Variants in UTRN observed in about 807,000 individuals in gnomAD.
The protein encoded by UTRN is utrophin, also known as dystrophin-related protein 1.
A neutral mutation model predicts 463.9 loss-of-function variants in UTRN; 283 were observed. That is an observed-to-expected ratio of 0.61 (90% CI 0.55 to 0.67). The LOEUF is 0.67. UTRN is among the 30% of genes least tolerant of loss of function. The pLI, the probability that UTRN is intolerant of heterozygous loss-of-function variation, is 0.00. For synonymous variants in UTRN, 1,442 were observed against 1,431.5 expected, an observed-to-expected ratio of 1.01 and a Z score of -0.17; for missense variants, 3,922 against 4,084.3, an observed-to-expected ratio of 0.96 and a Z score of 1.08.
intron 74 of UTRN, among the ~76,000 whole-genome samples, 167 bp downstream of exon 74, chr6:144,846,994 G>A (rs957280527): frequency 2.0e-5 from 3 of 152,150 alleles, no homozygotes; most frequent in African/African-American, 4.8e-5. Flanking sequence ...GTCTGGGAGT[G>A]GGGGGTGGCT....
At chr6:144,727,280 C>A (rs117398278) in intron 53 of UTRN, among the ~76,000 whole-genome samples, 2 of 152,216 alleles carry the variant, frequency 1.3e-5, no homozygotes, top group East Asian at 3.9e-4. Context: ...TCTGGTTGAT[C>A]TTTTGTGCTA....
intron 2 of UTRN, among the ~76,000 whole-genome samples, chr6:144,302,674 G>T (rs1237669648): frequency 6.6e-6 from 1 of 152,172 alleles, no homozygotes; most frequent in Non-Finnish European, 1.5e-5. Flanking sequence ...AGGCTAGTTG[G>T]AAAGAAAGAC....
At chr6:144,679,005 T>A in intron 52 of UTRN, among the ~76,000 whole-genome samples, 1 of 152,106 alleles carries the variant, frequency 6.6e-6, no homozygotes, top group Non-Finnish European at 1.5e-5. Context: ...CTTGCCAAGT[T>A]TTGGGGCTAA....
At chr6:144,550,089 A>G (rs1396762474) in intron 47 of UTRN, among the ~76,000 whole-genome samples, 1 of 152,236 alleles carries the variant, frequency 6.6e-6, no homozygotes, top group Non-Finnish European at 1.5e-5. Context: ...ATTAGCAGAA[A>G]TAAGGAATAG....
chr6:144,349,440 C>T (rs1261189629), intron 2 of UTRN, among the ~76,000 whole-genome samples: 4 of 152,200 alleles, frequency 2.6e-5, no homozygotes, highest in African/African-American at 9.7e-5. Flanking sequence ...ATCTCCCAAC[C>T]AGGGAGGATG....
chr6:144,516,790 T>C, intron 38 of UTRN, 21 bp from the exon 39 acceptor site: 1 of 1,435,346 alleles, frequency 7.0e-7, no homozygotes, highest in Non-Finnish European at 9.1e-7. Flanking sequence ...AGTCATTTTT[T>C]TTTTCCTTTT....
intron 2 of UTRN, among the ~76,000 whole-genome samples, chr6:144,397,808 A>T (rs181725559): frequency 8.5e-5 from 13 of 152,290 alleles, no homozygotes; most frequent in Admixed American, 8.5e-4. Context: ...CATTGAACAC[A>T]GGCTCCACAG....
At chr6:144,510,110 T>C (rs1265892821) in intron 34 of UTRN, among the ~76,000 whole-genome samples, 1 of 152,188 alleles carries the variant, frequency 6.6e-6, no homozygotes, top group Non-Finnish European at 1.5e-5. Flanking sequence ...TGATTTAATG[T>C]AGAAATATAA....
At chr6:144,504,819 G>C (rs138644387) in intron 34 of UTRN, among the ~76,000 whole-genome samples, 274 of 152,328 alleles carry the variant, frequency 1.8e-3, no homozygotes, top group Middle Eastern at 0.017. Flanking sequence ...GTTTGGAATA[G>C]TTTCAGAAGG....
chr6:144,473,714 G>C lies in UTRN; in HGVS notation c.3067-6G>C. Reference sequence around the variant, plus strand: ...AATATCCCCCTCTGTTATCATGTTCGATTAGGCCGATTCAACAGTCATTGA... The same window carrying C: ...AATATCCCCCTCTGTTATCATGTTCCATTAGGCCGATTCAACAGTCATTGA... On this transcript the variant is annotated splice_polypyrimidine_tract_variant and splice_region_variant and intron_variant, in intron 23 of 74. Transcript: ENST00000367545. The C allele has an allele frequency of 1.2e-6, 2 of 1,612,774 alleles. No individual in the cohort carries two copies. The highest frequency in any genetic ancestry group is 1.7e-6 in the Non-Finnish European group (2 of 1,178,934).
At chr6:144,638,651 T>C (rs897749440) in intron 51 of UTRN, among the ~76,000 whole-genome samples, 3 of 152,218 alleles carry the variant, frequency 2.0e-5, no homozygotes, top group Non-Finnish European at 4.4e-5. Context: ...TACATCAGAA[T>C]TGATTTTCAA....
intron 23 of UTRN, among the ~76,000 whole-genome samples, chr6:144,472,769 C>A (rs1250365160): frequency 9.0e-6 from 1 of 110,608 alleles, no homozygotes; most frequent in Non-Finnish European, 1.8e-5. Flanking sequence ...TACTTACTTG[C>A]ATTTTTTTTT....
chr6:144,783,877 C>T (rs773733475), intron 61 of UTRN, among the ~76,000 whole-genome samples: 14 of 152,080 alleles, frequency 9.2e-5, no homozygotes, highest in South Asian at 4.1e-4. Context: ...ATAATGAATA[C>T]GGGATTTGCG....
At position 144,485,467 on chromosome 6, in the gene UTRN, A is replaced by G. The variant is rs375665025; in HGVS notation, c.3770A>G (p.Lys1257Arg). The G allele has an allele frequency of 2.5e-6, 4 of 1,614,056 alleles. No homozygotes were observed. The highest frequency in any genetic ancestry group is 3.4e-6 in the Non-Finnish European group (4 of 1,180,038). Residue 1257 changes from lysine to arginine, a missense_variant, in exon 28 of 75, where the codon AAG becomes AGG. By Grantham distance (26) the Lys-to-Arg change is conservative. Transcript: ENST00000367545. ...TTAAACACTTTGGAAGAGCGGATGAAGAGCACAGAGGTCCTGCCTGAGAAG... is the reference window on the plus strand; with the variant it reads ...TTAAACACTTTGGAAGAGCGGATGAGGAGCACAGAGGTCCTGCCTGAGAAG... ...TWLNTLEERM[K>R]STEVLPEKTD... is the part of the protein sequence containing the mutation.
chr6:144,458,990 A>G lies in UTRN; in HGVS notation c.2505A>G (p.Pro835=), dbSNP rs764166953. 5.6e-6 allele frequency: 9 copies of G among 1,605,572 alleles called. No individual in the cohort carries two copies. The South Asian group carries it at 5.6e-5, about 10-fold the overall frequency. The part of the protein sequence containing the change: ...SISESSRQSL[P]SLKDSCQREL... ...CTGAATCTTCCCGGCAGTCCTTGCC[A>G]AGCTTGAAGGATTCCTGTCAGGTAA... Residue 835 remains proline, a synonymous_variant, in exon 20 of 75, where the codon CCA becomes CCG. Transcript: ENST00000367545.
chr6:144,520,058 C>T (rs1795956145), intron 39 of UTRN, among the ~76,000 whole-genome samples: 1 of 152,178 alleles, frequency 6.6e-6, no homozygotes. Context: ...AGTTGGATGT[C>T]TGGAGTTTTT....
chr6:144,603,577 G>T (rs1253195231), intron 51 of UTRN, among the ~76,000 whole-genome samples: 1 of 152,138 alleles, frequency 6.6e-6, no homozygotes, highest in East Asian at 1.9e-4. Flanking sequence ...TCAACACGTG[G>T]TTAACATCTC....
chr6:144,365,166 A>G (rs1779405899), intron 2 of UTRN, among the ~76,000 whole-genome samples: 3 of 152,230 alleles, frequency 2.0e-5, no homozygotes, highest in South Asian at 2.1e-4. Context: ...GAACATCTGC[A>G]GAAAGAATTG....
intron 47 of UTRN, among the ~76,000 whole-genome samples, chr6:144,549,157 C>T (rs562182761): frequency 3.3e-5 from 5 of 152,198 alleles, no homozygotes; most frequent in African/African-American, 1.2e-4. Flanking sequence ...CATTTCATGC[C>T]TGTTGTGTGA....
Sources: allele counts gnomAD v4.1 joint callset (sites outside exome capture counted in the v4.1 genomes callset), GRCh38; gene constraint gnomAD v4.1.1; transcripts MANE v1.5; gene names NCBI Gene and HGNC (gene_info 2026-07-23, HGNC 2026-07-21).